The following ANTXR1 variants were observed in gnomAD, a reference collection of about 807,000 sequenced individuals.
The protein encoded by ANTXR1 is ANTXR cell adhesion molecule 1, also known as anthrax toxin receptor 1.
A neutral mutation model predicts 78.1 loss-of-function variants in ANTXR1; 19 were observed. That is an observed-to-expected ratio of 0.24 (90% CI 0.17 to 0.36). ANTXR1 has a LOEUF of 0.36. ANTXR1 is among the 10% of genes least tolerant of loss of function. The pLI is 1.00. For synonymous variants in ANTXR1, 273 were observed against 260.5 expected, an observed-to-expected ratio of 1.05 and a Z score of -0.46; for missense variants, 518 against 718.6, an observed-to-expected ratio of 0.72 and a Z score of 3.19.
At chr2:69,075,518 A>T in intron 6 of ANTXR1, 72 bp from the exon 7 acceptor site, 1 of 1,405,634 alleles carries the variant, frequency 7.1e-7, no homozygotes, top group Non-Finnish European at 1.0e-6. Context: ...CATTGAAGTT[A>T]GTCAGGTAGC....
Position 69,082,933 on chromosome 2 carries a change from A to G in ANTXR1, c.642+5445A>G, listed in dbSNP as rs560497918. ...CAACAAGCATTGAGCAAACACAACT[A>G]TGTTTGCAAGGATTTCTCGCAAGCT... On this transcript the variant is annotated intron_variant, in intron 8 of 17. Transcript: ENST00000303714. Among the ~76,000 whole-genome samples, 31 of 152,314 alleles carry G rather than the reference A, an allele frequency of 2.0e-4. No homozygotes were observed. In the South Asian group the frequency reaches 4.6e-3, roughly 22 times the overall value.
intron 1 of ANTXR1, among the ~76,000 whole-genome samples, chr2:69,022,840 G>C (rs1671234078): frequency 6.6e-6 from 1 of 152,204 alleles, no homozygotes; most frequent in African/African-American, 2.4e-5. Flanking sequence ...TCTTATTTTA[G>C]ATGGTGGCAG....
chr2:69,112,909 T>A (rs1297268995), intron 10 of ANTXR1, among the ~76,000 whole-genome samples: 1 of 152,060 alleles, frequency 6.6e-6, no homozygotes, highest in African/African-American at 2.4e-5. Flanking sequence ...TCTAGAATGG[T>A]TGGGGGACAA....
chr2:69,088,722 T>C (rs1671133587), intron 8 of ANTXR1, among the ~76,000 whole-genome samples: 1 of 152,190 alleles, frequency 6.6e-6, no homozygotes, highest in East Asian at 1.9e-4. Context: ...CCAGTCCTAA[T>C]ACGGTGCTAT....
chr2:69,168,445 A>T (rs1573949968), intron 13 of ANTXR1, among the ~76,000 whole-genome samples: 1 of 152,328 alleles, frequency 6.6e-6, no homozygotes, highest in East Asian at 1.9e-4. Context: ...CACATATAAC[A>T]TCTATGCTGT....
intron 17 of ANTXR1, among the ~76,000 whole-genome samples, chr2:69,202,019 CAG>C (rs1053729653): frequency 2.0e-5 from 3 of 152,094 alleles, no homozygotes; most frequent in African/African-American, 7.2e-5. Context: ...TCACCCTAGT[CAG>C]GGGGCAGTTT....
chr2:69,208,304 G>C (rs1375174195), intron 17 of ANTXR1, among the ~76,000 whole-genome samples: 2 of 152,184 alleles, frequency 1.3e-5, no homozygotes, highest in Non-Finnish European at 2.9e-5. Context: ...AGTAGCAAAA[G>C]ATGTTTTTAG....
chr2:69,170,160 C>T (rs1487497928), intron 13 of ANTXR1, 88 bp from the exon 14 acceptor site: 10 of 1,443,902 alleles, frequency 6.9e-6, no homozygotes, highest in South Asian at 2.3e-5. Context: ...ATTATGGCAG[C>T]ACCACCACGG....
intron 12 of ANTXR1, among the ~76,000 whole-genome samples, chr2:69,142,821 G>A (rs1673105455): frequency 1.3e-5 from 2 of 152,196 alleles, no homozygotes; most frequent in African/African-American, 4.8e-5. Flanking sequence ...AGCACAAAGT[G>A]TGAGGAGGGA....
chr2:69,230,141 T>G (rs1675554544), intron 17 of ANTXR1, among the ~76,000 whole-genome samples: 1 of 152,176 alleles, frequency 6.6e-6, no homozygotes, highest in Non-Finnish European at 1.5e-5. Flanking sequence ...CCTGATCACT[T>G]TTCCTAAATC....
At chr2:69,029,267 A>G (rs929716488) in intron 1 of ANTXR1, among the ~76,000 whole-genome samples, 50 of 150,790 alleles carry the variant, frequency 3.3e-4, no homozygotes, top group Non-Finnish European at 5.0e-4. Context: ...AAAGTAGGTC[A>G]AAGACTAGAT....
chr2:69,039,921 T>C, intron 1 of ANTXR1, 123 bp from the exon 2 acceptor site: 1 of 770,696 alleles, frequency 1.3e-6, no homozygotes. Flanking sequence ...TTACAGAAGT[T>C]TCAAGTAATG....
chr2:69,245,537 A>G lies in ANTXR1; in HGVS notation c.*52A>G. The G allele has an allele frequency of 6.2e-7, 1 of 1,606,308 alleles. No homozygotes were observed. Among genetic ancestry groups the G allele is most frequent in the African/African-American group, 1.3e-5 (1 of 74,644 alleles). On this transcript the variant is annotated 3_prime_UTR_variant, in exon 18 of 18. Transcript: ENST00000303714. ...CTCAGAAACTTCAGGAGATGTTAGA[A>G]CAAGTCTTTCCAGTTAGAGAAGAGG... is the stretch of plus-strand genomic sequence containing the variant.
At chr2:69,147,906 T>C (rs1673272230) in intron 12 of ANTXR1, among the ~76,000 whole-genome samples, 1 of 152,186 alleles carries the variant, frequency 6.6e-6, no homozygotes, top group Non-Finnish European at 1.5e-5. Context: ...TAGATAGCAC[T>C]GAGCACGGTG....
intron 17 of ANTXR1, among the ~76,000 whole-genome samples, chr2:69,199,659 C>T (rs1380563850): frequency 1.3e-5 from 2 of 152,108 alleles, no homozygotes; most frequent in Non-Finnish European, 2.9e-5. Context: ...TTCAAGGTCC[C>T]CCCCTAAAGG....
In ANTXR1 at chr2:69,172,335, C is replaced by T. The variant is rs751046474; in HGVS notation, c.1089+2046C>T. On this transcript the variant is annotated intron_variant, in intron 14 of 17. Transcript: ENST00000303714. ...TGTGTGTTGGCCCTGTGAGTTAGGC[C>T]ACCTAATCTCCTTCCTAATGTATTT... 2.4e-5 allele frequency: 38 copies of T among 1,591,370 alleles called. 1 individual carries two copies. The South Asian group carries it at 3.3e-4, about 14-fold the overall frequency.
intron 1 of ANTXR1, among the ~76,000 whole-genome samples, chr2:69,021,091 A>T: frequency 6.6e-6 from 1 of 152,210 alleles, no homozygotes; most frequent in South Asian, 2.1e-4. Context: ...AAGAAATAAG[A>T]AGTAACATTT....
chr2:69,098,712 G>T (rs936683223), intron 9 of ANTXR1, among the ~76,000 whole-genome samples: 1 of 152,130 alleles, frequency 6.6e-6, no homozygotes, highest in Non-Finnish European at 1.5e-5. Flanking sequence ...CAGGCCAGGC[G>T]TGGTGGCTCA....
intron 16 of ANTXR1, among the ~76,000 whole-genome samples, chr2:69,184,932 A>T (rs775495165): frequency 2.6e-5 from 4 of 152,224 alleles, no homozygotes; most frequent in Non-Finnish European, 5.9e-5. Flanking sequence ...ACTGGCTCTC[A>T]GCATTCGCCC....
Sources: gnomAD v4.1 joint callset for allele counts (sites outside exome capture counted in the v4.1 genomes callset) on GRCh38, gnomAD v4.1.1 for gene constraint, MANE v1.5 for transcripts, NCBI Gene and HGNC (gene_info 2026-07-23, HGNC 2026-07-21) for gene names.